KLK8: variants seen among roughly 807,000 people sequenced by gnomAD.
KLK8 encodes kallikrein related peptidase 8.
In KLK8, 18 loss-of-function variants were observed where a neutral mutation model predicts 26.7. The ratio of observed to expected loss-of-function variants is 0.67; its 90% CI spans 0.47 to 1.00. The LOEUF is 1.00. Among genes scored for constraint, KLK8 ranks in the 50% least tolerant of loss-of-function variants. The pLI, the probability that KLK8 is intolerant of heterozygous loss-of-function variation, is 0.00. For missense variants in KLK8, 301 were observed against 331.7 expected, an observed-to-expected ratio of 0.91 and a Z score of 0.72; for synonymous variants, 137 against 127.1, an observed-to-expected ratio of 1.08 and a Z score of -0.52.
At chr19:51,000,128 G>A in exon 5 of KLK8, 1 of 1,614,100 alleles carries the variant, frequency 6.2e-7, no homozygotes, top group Non-Finnish European at 8.5e-7. Flanking sequence ...AGAAGCATCA[G>A]ATCATGGTTG....
rs2091182513 is a variant in KLK8 at position 50,997,643 on chromosome 19, GC to G, written c.627+107del. On this transcript the variant is annotated intron_variant, in intron 6 of 6. Transcript: ENST00000600767. The stretch of plus-strand genomic sequence containing the variant: ...AGAGATAGGGGTGAACACTCCGGGT[GC>G]CAAGTCTTTGGGGTCACTCCCTTAC... The G allele has an allele frequency of 3.0e-6, 4 of 1,339,126 alleles. No homozygotes were observed. The East Asian group carries it at 9.2e-5, about 31-fold the overall frequency. 83.0% of individuals were successfully genotyped at this position (1,339,126 alleles called of 1,614,324 possible). A position where few individuals can be genotyped will look rare whatever the true frequency, so the allele number is the denominator to read the frequency against.
At position 51,000,272 on chromosome 19, in the gene KLK8, G is replaced by A. The variant is rs1275841993; in HGVS notation, c.231-14C>T. On this transcript the variant is annotated splice_polypyrimidine_tract_variant and intron_variant, in intron 4 of 6. Transcript: ENST00000600767. Reference sequence around the variant, plus strand: ...ACTGTGTATTTCCTGTAATGGTGGGGATAGTTTGGGACCCAGGCAGGGGTA... The same window carrying A: ...ACTGTGTATTTCCTGTAATGGTGGGAATAGTTTGGGACCCAGGCAGGGGTA... The A allele has an allele frequency of 6.4e-7, 1 of 1,562,912 alleles. No homozygotes were observed. The highest frequency in any genetic ancestry group is 2.3e-5 in the East Asian group (1 of 44,138).
At chr19:50,999,624 A>AAAAAAAAAT (rs2091201890) in intron 5 of KLK8, among the ~76,000 whole-genome samples, 2 of 143,330 alleles carry the variant, frequency 1.4e-5, no homozygotes, top group African/African-American at 5.3e-5. Context: ...AAAAAAAAAA[A>AAAAAAAAAT]GGAGGGAGGT....
exon 7 of KLK8, chr19:50,996,152 T>A (rs1282883944): frequency 1.9e-6 from 3 of 1,614,140 alleles, no homozygotes. Flanking sequence ...CACAGGGGTC[T>A]GAGCCCCAGG....
chr19:50,996,055 A>G (rs1033466950), exon 7 of KLK8: 9 of 1,613,972 alleles, frequency 5.6e-6, no homozygotes, highest in Non-Finnish European at 6.8e-6. Context: ...TGCTTATCCT[A>G]GAATCAGCCC....
In KLK8 at chr19:51,000,391, C is replaced by G. The variant is rs753429167; in HGVS notation, c.230+33G>C. The G allele has an allele frequency of 3.2e-6, 5 of 1,572,898 alleles. No homozygotes were observed. In the East Asian group the frequency reaches 1.1e-4, roughly 35 times the overall value. On this transcript the variant is annotated intron_variant, in intron 4 of 6. Transcript: ENST00000600767. The stretch of plus-strand genomic sequence containing the variant: ...ACCCCAGCCCCCTCTTTCCTTAAGC[C>G]CCAGCTGACCTCTGCCCCCATCATC...
chr19:51,000,426 T>C lies in KLK8; in HGVS notation c.228A>G (p.Lys76=), dbSNP rs1013790141. The change falls in exon 4 of 7, where the codon AAA becomes AAG. Residue 76 remains lysine (K), a splice_region_variant and synonymous_variant. Coordinates refer to ENST00000600767, the Ensembl canonical transcript of KLK8. ...CTCTGCCCCCATCATCCACTCACGG[T>C]TTTTTACAGTGGGCAGCTGTAAGGA... The C allele has an allele frequency of 3.1e-6, 5 of 1,604,494 alleles. No individual in the cohort carries two copies. In the African/African-American group the frequency reaches 6.7e-5, roughly 22 times the overall value.
At chr19:50,996,985 C>T (rs893499322) in intron 6 of KLK8, among the ~76,000 whole-genome samples, 4 of 151,454 alleles carry the variant, frequency 2.6e-5, no homozygotes, top group Admixed American at 2.0e-4. Flanking sequence ...GAAGAGACCA[C>T]TATCTCTACA....
intron 5 of KLK8, chr19:50,998,890 C>T (rs2091193825): frequency 6.6e-6 from 1 of 152,176 alleles, no homozygotes; most frequent in African/African-American, 2.4e-5. Flanking sequence ...GAAAGTGAGG[C>T]TCAGAGATGG....
At chr19:51,001,283 G>C in intron 2 of KLK8, 108 bp from the exon 2 acceptor site, 2 of 898,660 alleles carry the variant, frequency 2.2e-6, no homozygotes, top group East Asian at 5.2e-5. Flanking sequence ...GGCTGTTCTG[G>C]GCTTCTCTGG....
intron 5 of KLK8, among the ~76,000 whole-genome samples, chr19:50,998,691 G>C (rs548655349): frequency 1.3e-5 from 2 of 152,300 alleles, no homozygotes; most frequent in East Asian, 3.9e-4. Context: ...CGCTTTGAAG[G>C]AGAGATGCAT....
chr19:50,996,062 G>A, exon 7 of KLK8: 2 of 1,614,166 alleles, frequency 1.2e-6, no homozygotes, highest in South Asian at 2.2e-5. Context: ...CCTAGAATCA[G>A]CCCTTGCTGC....
At chr19:50,998,817 G>A in intron 5 of KLK8, 2 of 152,204 alleles carry the variant, frequency 1.3e-5, no homozygotes, top group East Asian at 3.8e-4. Flanking sequence ...GAAAACTGAT[G>A]TAACCTGAAC....
At position 51,001,096 on chromosome 19, in the gene KLK8, A is replaced by G; in HGVS notation, c.70+2T>C. Reference sequence around the variant, plus strand: ...TCCGGAGGCCTCCGCAACCCTCCTCACCTGCCCAGGCTCCCCCCAGCAAGA... The same window carrying G: ...TCCGGAGGCCTCCGCAACCCTCCTCGCCTGCCCAGGCTCCCCCCAGCAAGA... On this transcript the variant is annotated splice_donor_variant, in intron 3 of 6. Coordinates refer to ENST00000600767, the Ensembl canonical transcript of KLK8. LOFTEE classifies it high-confidence loss of function. 2 of 1,610,282 alleles carry G rather than the reference A, an allele frequency of 1.2e-6. No homozygotes were observed. The highest frequency in any genetic ancestry group is 2.2e-5 in the East Asian group (1 of 44,718).
intron 3 of KLK8, 138 bp downstream of exon 2, chr19:51,000,960 G>A: frequency 1.1e-6 from 1 of 875,324 alleles, no homozygotes; most frequent in East Asian, 2.7e-5. Context: ...AAAGCCCACA[G>A]AGGCTCCTGC....
intron 3 of KLK8, chr19:51,000,819 A>T (rs1701947): frequency 0.44 from 528,524 of 1,202,806 alleles, 120,314 homozygotes; most frequent in African/African-American, 0.72. Flanking sequence ...ACAGGCCCCG[A>T]GTACTCCCAG....
chr19:50,996,308 T>C lies in KLK8; in HGVS notation c.628-94A>G. Reference sequence around the variant, plus strand: ...GCGTTTTACCAGTTCTTTGGCATGATTGGTCCCCTGTAGCCAATGGGGGTA... The same window carrying C: ...GCGTTTTACCAGTTCTTTGGCATGACTGGTCCCCTGTAGCCAATGGGGGTA... On this transcript the variant is annotated intron_variant, in intron 6 of 6. Coordinates refer to ENST00000600767, the Ensembl canonical transcript of KLK8. The C allele has an allele frequency of 2.8e-6, 4 of 1,406,832 alleles. No individual in the cohort carries two copies. The East Asian group carries it at 6.9e-5, about 24-fold the overall frequency. The allele number at this position is 1,406,832 out of a possible 1,614,324, so 87.1% of individuals were successfully genotyped here. A position where few individuals can be genotyped will look rare whatever the true frequency, so the allele number is the denominator to read the frequency against.
intron 2 of KLK8, 115 bp downstream of exon 1, chr19:51,001,417 C>T (rs568074018): frequency 2.3e-5 from 12 of 517,238 alleles, no homozygotes; most frequent in African/African-American, 1.7e-4. Flanking sequence ...AGGAGGAAGC[C>T]GGGGTCCAGA....
At position 50,996,056 on chromosome 19, in the gene KLK8, G is replaced by C. The variant is rs777777437; in HGVS notation, c.*3C>G. On this transcript the variant is annotated 3_prime_UTR_variant, in exon 7 of 7. Transcript: ENST00000600767. ...TAAGGGAGATCTAGTGCTTATCCTA[G>C]AATCAGCCCTTGCTGCCTATGATCT... The C allele has an allele frequency of 1.1e-5, 17 of 1,614,054 alleles. 1 individual carries two copies. Among genetic ancestry groups the C allele is most frequent in the Non-Finnish European group, 8.5e-6 (10 of 1,179,904 alleles).
Sources: allele counts gnomAD v4.1 joint callset (sites outside exome capture counted in the v4.1 genomes callset), GRCh38; gene constraint gnomAD v4.1.1; transcripts MANE v1.5; gene names NCBI Gene and HGNC (gene_info 2026-07-23, HGNC 2026-07-21).